KCNMB4: variants seen among roughly 807,000 people sequenced by gnomAD.
KCNMB4 encodes the protein potassium calcium-activated channel subfamily M regulatory beta subunit 4.
In KCNMB4, 3 loss-of-function variants were observed where a neutral mutation model predicts 20.7. The observed-to-expected ratio is 0.14, with a 90% CI of 0.07 to 0.37. The LOEUF (loss-of-function observed/expected upper bound fraction) is 0.37, where lower values mean the gene tolerates loss of function less well. Among genes scored for constraint, KCNMB4 ranks in the 10% least tolerant of loss-of-function variants. KCNMB4 has a pLI of 1.00. For missense variants in KCNMB4, 168 were observed against 265.9 expected (o/e 0.63, Z 2.56); for synonymous variants, 110 against 113.4 (o/e 0.97, Z 0.19).
intron 2 of KCNMB4, among the ~76,000 whole-genome samples, chr12:70,403,364 G>T (rs76734921): frequency 3.3e-5 from 5 of 151,902 alleles, no homozygotes; most frequent in African/African-American, 7.3e-5. Context: ...TAGGAGTCTC[G>T]CTCTGTCACT....
rs141891359 is a variant in KCNMB4 at position 70,397,647 on chromosome 12, G to A, written c.337-2562G>A. 1.5e-3 allele frequency among the ~76,000 whole-genome samples: 235 copies of A among 152,272 alleles called. 1 individual carries two copies. The highest frequency in any genetic ancestry group is 2.8e-3 in the Non-Finnish European group (193 of 68,020). ...GTGAAAGTTTTTGACCTTTTCAGAA[G>A]CATGTCAATGTAATTCTTCTGGTCA... On this transcript the variant is annotated intron_variant, in intron 1 of 2. Coordinates refer to ENST00000258111, the MANE Select transcript of KCNMB4 (RefSeq NM_014505.6).
At chr12:70,367,183 AC>A in intron 1 of KCNMB4, 113 bp downstream of exon 1, 1 of 772,506 alleles carries the variant, frequency 1.3e-6, no homozygotes, top group Non-Finnish European at 1.9e-6. Context: ...CTAGGAGGAG[AC>A]CAGGTGGCGC....
At chr12:70,414,769 T>A (rs1296648674) in intron 2 of KCNMB4, among the ~76,000 whole-genome samples, 1 of 152,200 alleles carries the variant, frequency 6.6e-6, no homozygotes, top group Non-Finnish European at 1.5e-5. Flanking sequence ...TTCCCTCCAT[T>A]CTTAAACTGT....
chr12:70,380,444 G>T (rs532727414), intron 1 of KCNMB4, among the ~76,000 whole-genome samples: 1 of 152,272 alleles, frequency 6.6e-6, no homozygotes, highest in South Asian at 2.1e-4. Context: ...TGAAGTAAGT[G>T]CATGCTGTTG....
rs761118875 is a variant in KCNMB4 at position 70,400,345 on chromosome 12, A to G, written c.464+9A>G. 3 of 1,603,452 alleles carry G rather than the reference A, an allele frequency of 1.9e-6. No homozygotes were observed. The highest frequency in any genetic ancestry group is 4.5e-5 in the East Asian group (2 of 44,696). Reference sequence around the variant, plus strand: ...TTTAATCAACATCAAAGGTAAGTCAATATTTGCATGTGCGTGTTAAAATTG... The same window carrying G: ...TTTAATCAACATCAAAGGTAAGTCAGTATTTGCATGTGCGTGTTAAAATTG... On this transcript the variant is annotated intron_variant, in intron 2 of 2. Coordinates refer to ENST00000258111, the MANE Select transcript of KCNMB4 (RefSeq NM_014505.6).
intron 1 of KCNMB4, among the ~76,000 whole-genome samples, chr12:70,374,780 G>C (rs1883657143): frequency 6.6e-6 from 1 of 152,118 alleles, no homozygotes; most frequent in Non-Finnish European, 1.5e-5. Context: ...AATTGATGTA[G>C]TTGATCAAAT....
intron 1 of KCNMB4, among the ~76,000 whole-genome samples, chr12:70,388,880 G>C (rs1416234527): frequency 6.6e-6 from 1 of 151,812 alleles, no homozygotes; most frequent in African/African-American, 2.4e-5. Context: ...AAATTGCACT[G>C]TACTTTTATT....
intron 2 of KCNMB4, among the ~76,000 whole-genome samples, chr12:70,408,939 T>G (rs1409015624): frequency 6.6e-6 from 1 of 152,164 alleles, no homozygotes; most frequent in Non-Finnish European, 1.5e-5. Flanking sequence ...TTCTCTGTAT[T>G]CTCAATCTTT....
chr12:70,392,635 G>A (rs149038566), intron 1 of KCNMB4, among the ~76,000 whole-genome samples: 8,780 of 152,228 alleles, frequency 0.058, 403 homozygotes, highest in East Asian at 0.16. Flanking sequence ...TATACACCAT[G>A]GAATACTAAT....
At chr12:70,374,014 G>T (rs1386112898) in intron 1 of KCNMB4, among the ~76,000 whole-genome samples, 3 of 152,254 alleles carry the variant, frequency 2.0e-5, no homozygotes, top group South Asian at 2.1e-4. Flanking sequence ...AATCTAATCT[G>T]CAGGATGCTA....
intron 1 of KCNMB4, among the ~76,000 whole-genome samples, chr12:70,394,493 T>C (rs1211242847): frequency 1.3e-5 from 2 of 152,190 alleles, no homozygotes; most frequent in African/African-American, 4.8e-5. Flanking sequence ...CTTTCAGATG[T>C]GGATAAACAT....
At chr12:70,375,024 A>G (rs1549976) in intron 1 of KCNMB4, among the ~76,000 whole-genome samples, 110,580 of 152,046 alleles carry the variant, frequency 0.73, 40,629 homozygotes, top group East Asian at 0.94. Context: ...AGTGAGTGCT[A>G]AATTTGTAAT....
intron 1 of KCNMB4, among the ~76,000 whole-genome samples, chr12:70,370,520 A>T (rs991478262): frequency 6.6e-6 from 1 of 151,824 alleles, no homozygotes; most frequent in African/African-American, 2.4e-5. Flanking sequence ...GTTAGCCAGG[A>T]TGGTCTCGAT....
intron 1 of KCNMB4, among the ~76,000 whole-genome samples, chr12:70,386,958 G>C (rs1302406113): frequency 1.4e-4 from 22 of 152,156 alleles, no homozygotes; most frequent in Non-Finnish European, 1.0e-4. Context: ...TGTTAAGATA[G>C]AGTATAGAGA....
rs1869420413 is a variant in KCNMB4 at position 70,433,486 on chromosome 12, T to C, written c.*2833T>C. 6.6e-6 allele frequency: 1 copy of C among 152,210 alleles called. No homozygotes were observed. Among genetic ancestry groups the C allele is most frequent in the Non-Finnish European group, 1.5e-5 (1 of 68,054 alleles). 9.4% of individuals were successfully genotyped at this position (152,210 alleles called of 1,614,324 possible). A position where few individuals can be genotyped will look rare whatever the true frequency, so the allele number is the denominator to read the frequency against. On this transcript the variant is annotated 3_prime_UTR_variant, in exon 3 of 3. Transcript: ENST00000258111. ...AGCAAGCCATTTCCTTTTTAGGAAA[T>C]TACAGCCATCACTTCTGCCCACCGT...
chr12:70,396,429 C>A (rs1868351639), intron 1 of KCNMB4, among the ~76,000 whole-genome samples: 1 of 152,160 alleles, frequency 6.6e-6, no homozygotes, highest in Non-Finnish European at 1.5e-5. Flanking sequence ...TCTCAGCCTC[C>A]CAAGTAGCTG....
intron 2 of KCNMB4, among the ~76,000 whole-genome samples, chr12:70,429,654 G>A (rs1240308536): frequency 2.3e-5 from 3 of 132,706 alleles, no homozygotes; most frequent in Non-Finnish European, 3.2e-5. Context: ...GTGACAGAGT[G>A]AGACTCCATC....
At chr12:70,429,584 A>G (rs1337786381) in intron 2 of KCNMB4, among the ~76,000 whole-genome samples, 3 of 150,920 alleles carry the variant, frequency 2.0e-5, no homozygotes, top group Admixed American at 6.6e-5. Flanking sequence ...GGAGAATGGC[A>G]TGAACCCAGG....
At chr12:70,420,009 C>T (rs1057077186) in intron 2 of KCNMB4, among the ~76,000 whole-genome samples, 9 of 151,914 alleles carry the variant, frequency 5.9e-5, no homozygotes, top group African/African-American at 1.7e-4. Flanking sequence ...AAGGCAAACA[C>T]TGAAAAAAGA....
Sources: gnomAD v4.1 joint callset for allele counts (sites outside exome capture counted in the v4.1 genomes callset) on GRCh38, gnomAD v4.1.1 for gene constraint, MANE v1.5 for transcripts, NCBI Gene and HGNC (gene_info 2026-07-23, HGNC 2026-07-21) for gene names.